LSAMP: variants seen among roughly 807,000 people sequenced by gnomAD.
The protein encoded by LSAMP is limbic system associated membrane protein.
LSAMP carries 7 observed loss-of-function variants against 38.6 expected under a neutral mutation model. That is an observed-to-expected ratio of 0.18 (90% CI 0.10 to 0.34). The LOEUF (loss-of-function observed/expected upper bound fraction) is 0.34. LSAMP is among the 10% of genes least tolerant of loss of function. The pLI is 1.00. For missense variants in LSAMP, 313 were observed against 420.0 expected (o/e 0.75, Z 2.23); for synonymous variants, 154 against 166.8 (o/e 0.92, Z 0.59).
At chr3:115,946,322 G>A (rs138378860) in intron 3 of LSAMP, among the ~76,000 whole-genome samples, 6 of 152,168 alleles carry the variant, frequency 3.9e-5, no homozygotes, top group Non-Finnish European at 7.4e-5. Flanking sequence ...TCTGTTGGCC[G>A]GAAAGACTAA....
chr3:116,205,332 A>G (rs1340412230), intron 1 of LSAMP, among the ~76,000 whole-genome samples: 117 of 119,620 alleles, frequency 9.8e-4, no homozygotes, highest in Admixed American at 2.5e-3. Context: ...TAGATATACA[A>G]TCATGTCGTC....
At chr3:116,306,330 A>G (rs966493483) in intron 1 of LSAMP, among the ~76,000 whole-genome samples, 4 of 152,046 alleles carry the variant, frequency 2.6e-5, no homozygotes, top group South Asian at 2.1e-4. Flanking sequence ...CTGTATGCAA[A>G]ATTCTACAAA....
At chr3:116,436,513 A>G (rs907727536) in intron 1 of LSAMP, among the ~76,000 whole-genome samples, 1 of 152,192 alleles carries the variant, frequency 6.6e-6, no homozygotes, top group Non-Finnish European at 1.5e-5. Flanking sequence ...AAAAAATCCC[A>G]TCAAAAAGTG....
intron 1 of LSAMP, among the ~76,000 whole-genome samples, chr3:116,272,236 G>A (rs1227529047): frequency 2.0e-5 from 3 of 152,124 alleles, no homozygotes; most frequent in East Asian, 1.9e-4. Flanking sequence ...GTATGAACAC[G>A]GACTTATCCT....
chr3:116,183,346 G>T (rs1710533096), intron 1 of LSAMP, among the ~76,000 whole-genome samples: 1 of 151,898 alleles, frequency 6.6e-6, no homozygotes, highest in African/African-American at 2.4e-5. Context: ...ACAGCATAAA[G>T]TGTTGAAAGA....
intron 1 of LSAMP, among the ~76,000 whole-genome samples, chr3:116,181,137 C>T (rs1385467094): frequency 1.3e-5 from 2 of 152,034 alleles, no homozygotes; most frequent in African/African-American, 2.4e-5. Flanking sequence ...TTATAACAAA[C>T]ATCTTGGAGT....
chr3:116,015,302 C>A (rs1236208981), intron 3 of LSAMP, among the ~76,000 whole-genome samples: 1 of 152,090 alleles, frequency 6.6e-6, no homozygotes, highest in Non-Finnish European at 1.5e-5. Flanking sequence ...CTGAGCAATC[C>A]TGACAACACA....
intron 2 of LSAMP, among the ~76,000 whole-genome samples, chr3:116,084,302 T>A (rs986772144): frequency 1.3e-5 from 2 of 151,952 alleles, no homozygotes; most frequent in African/African-American, 4.8e-5. Context: ...TAATTTTAGT[T>A]CTAACCCTTG....
intron 2 of LSAMP, among the ~76,000 whole-genome samples, chr3:116,073,670 G>T (rs1408585944): frequency 6.6e-6 from 1 of 152,098 alleles, no homozygotes; most frequent in African/African-American, 2.4e-5. Context: ...TATCAATTTT[G>T]TATCCTGAGA....
chr3:115,850,052 C>A (rs1327627607), intron 4 of LSAMP, among the ~76,000 whole-genome samples: 1 of 152,094 alleles, frequency 6.6e-6, no homozygotes, highest in East Asian at 1.9e-4. Flanking sequence ...TATAGTTTTC[C>A]ATATAATTTG....
chr3:115,993,669 TC>T (rs1234781436), intron 3 of LSAMP, among the ~76,000 whole-genome samples: 1 of 152,042 alleles, frequency 6.6e-6, no homozygotes, highest in Admixed American at 6.6e-5. Context: ...CCTTTTGCCC[TC>T]AAAATTATGA....
intron 3 of LSAMP, among the ~76,000 whole-genome samples, chr3:115,967,295 A>G (rs565025501): frequency 3.9e-5 from 6 of 152,174 alleles, no homozygotes; most frequent in Non-Finnish European, 7.3e-5. Context: ...CTTTGCTAAA[A>G]CATAACAAGA....
intron 1 of LSAMP, among the ~76,000 whole-genome samples, chr3:116,241,314 C>T (rs1034390282): frequency 6.6e-6 from 1 of 152,130 alleles, no homozygotes; most frequent in Non-Finnish European, 1.5e-5. Flanking sequence ...CCTGTGTAAT[C>T]CCAGCACTTT....
At chr3:116,190,615 G>C (rs183906070) in intron 1 of LSAMP, among the ~76,000 whole-genome samples, 1 of 152,256 alleles carries the variant, frequency 6.6e-6, no homozygotes, top group East Asian at 1.9e-4. Context: ...AAAAGTGTAT[G>C]CATCATAGAC....
chr3:116,155,576 C>T (rs554881807), intron 1 of LSAMP, among the ~76,000 whole-genome samples: 1 of 151,928 alleles, frequency 6.6e-6, no homozygotes, highest in Admixed American at 6.6e-5. Flanking sequence ...TGTTGCCTGG[C>T]TTATCACAAG....
chr3:116,138,823 CT>C (rs36060209), intron 1 of LSAMP, among the ~76,000 whole-genome samples: 8,169 of 146,748 alleles, frequency 0.056, 321 homozygotes, highest in African/African-American at 0.11. Context: ...CGTAAATTGA[CT>C]TTTTTTTTTT....
intron 1 of LSAMP, among the ~76,000 whole-genome samples, chr3:116,443,009 C>T (rs2049458092): frequency 6.6e-6 from 1 of 152,154 alleles, no homozygotes; most frequent in African/African-American, 2.4e-5. Context: ...ATAGGAGATG[C>T]TAACTTAGAA....
At chr3:116,149,281 C>A (rs1709558011) in intron 1 of LSAMP, among the ~76,000 whole-genome samples, 1 of 151,934 alleles carries the variant, frequency 6.6e-6, no homozygotes, top group Non-Finnish European at 1.5e-5. Flanking sequence ...GGCTGGAAAG[C>A]AGAGCAGAGT....
intron 1 of LSAMP, among the ~76,000 whole-genome samples, chr3:116,253,551 A>G (rs966985412): frequency 6.6e-6 from 1 of 152,242 alleles, no homozygotes; most frequent in Non-Finnish European, 1.5e-5. Context: ...AGAGCACTAC[A>G]TAATGTTAAG....
Sources: allele counts gnomAD v4.1 joint callset (sites outside exome capture counted in the v4.1 genomes callset), GRCh38; gene constraint gnomAD v4.1.1; transcripts MANE v1.5; gene names NCBI Gene and HGNC (gene_info 2026-07-23, HGNC 2026-07-21).